NEK11: variants seen among roughly 807,000 people sequenced by gnomAD.
NEK11 encodes the protein serine/threonine-protein kinase Nek11.
A neutral mutation model predicts 80.7 loss-of-function variants in NEK11; 72 were observed. The ratio of observed to expected loss-of-function variants is 0.89; its 90% CI spans 0.74 to 1.08. The LOEUF (loss-of-function observed/expected upper bound fraction) is 1.08, where lower values mean the gene tolerates loss of function less well. Among genes scored for constraint, NEK11 ranks in the 50% least tolerant of loss-of-function variants. The probability of loss-of-function intolerance (pLI) is 0.00; values close to 1 mark genes in which losing one functional copy is unlikely to be tolerated. For synonymous variants in NEK11, 251 were observed against 260.7 expected (o/e 0.96, Z 0.36); for missense variants, 764 against 763.6 (o/e 1.00, Z -0.01).
intron 5 of NEK11, among the ~76,000 whole-genome samples, chr3:131,125,914 A>G (rs954118092): frequency 1.3e-5 from 2 of 152,232 alleles, no homozygotes; most frequent in Non-Finnish European, 2.9e-5. Context: ...AATCTCTAGC[A>G]GGCCACATAT....
At chr3:131,254,051 C>T (rs980013990) in intron 16 of NEK11, among the ~76,000 whole-genome samples, 12 of 152,080 alleles carry the variant, frequency 7.9e-5, no homozygotes, top group African/African-American at 2.7e-4. Context: ...GCATGTTCTC[C>T]GTAAGTTGTC....
At chr3:131,100,579 A>T (rs1560402186) in intron 4 of NEK11, among the ~76,000 whole-genome samples, 1 of 152,226 alleles carries the variant, frequency 6.6e-6, no homozygotes, top group Middle Eastern at 3.4e-3. Context: ...CTAAATAAAT[A>T]AATTAATTAA....
chr3:131,185,647 C>G (rs2093568990), intron 14 of NEK11, among the ~76,000 whole-genome samples: 1 of 152,166 alleles, frequency 6.6e-6, no homozygotes, highest in Non-Finnish European at 1.5e-5. Flanking sequence ...AGCAGACTTC[C>G]ACAGATGATT....
At chr3:131,078,710 A>G (rs974180338) in intron 3 of NEK11, among the ~76,000 whole-genome samples, 3 of 152,162 alleles carry the variant, frequency 2.0e-5, no homozygotes, top group Non-Finnish European at 4.4e-5. Context: ...CTTCTCTCCA[A>G]TGTGATTGAA....
At chr3:131,308,318 A>G (rs2096742688) in intron 17 of NEK11, among the ~76,000 whole-genome samples, 1 of 152,244 alleles carries the variant, frequency 6.6e-6, no homozygotes, top group Non-Finnish European at 1.5e-5. Context: ...CTTACCCATA[A>G]TAGTCAAGAA....
At chr3:131,066,284 A>C (rs1389270) in intron 3 of NEK11, among the ~76,000 whole-genome samples, 2 of 152,166 alleles carry the variant, frequency 1.3e-5, no homozygotes, top group Non-Finnish European at 2.9e-5. Context: ...TATTGCCAGC[A>C]ATTTGTGTCA....
intron 17 of NEK11, among the ~76,000 whole-genome samples, chr3:131,274,316 C>G (rs2096254440): frequency 6.8e-6 from 1 of 146,932 alleles, no homozygotes; most frequent in Non-Finnish European, 1.5e-5. Context: ...GCATAGTATT[C>G]CATGGTGTAT....
In NEK11 at chr3:131,164,513, T is replaced by A. The variant is rs150629447; in HGVS notation, c.1083-913T>A. Among the ~76,000 whole-genome samples, 263 of 152,314 alleles carry A rather than the reference T, an allele frequency of 1.7e-3. 6 individuals carry two copies. The East Asian group carries it at 0.042, about 25-fold the overall frequency. On this transcript the variant is annotated intron_variant, in intron 11 of 17. Coordinates refer to ENST00000383366, the MANE Select transcript of NEK11 (RefSeq NM_024800.5). ...TATTTCCAAGGTGCCATGATTCGTG[T>A]CATTGGCTGGGGGTAAAAGGAAAAT...
chr3:131,277,958 A>G (rs962779198), intron 17 of NEK11, among the ~76,000 whole-genome samples: 1 of 152,188 alleles, frequency 6.6e-6, no homozygotes, highest in African/African-American at 2.4e-5. Flanking sequence ...GACTCTCAAT[A>G]TATGTGTGGT....
Position 131,345,139 on chromosome 3 carries a change from T to C in NEK11, c.1719-4418T>C, listed in dbSNP as rs982997547. 4.6e-5 allele frequency among the ~76,000 whole-genome samples: 7 copies of C among 152,246 alleles called. No individual in the cohort carries two copies. The East Asian group carries it at 5.8e-4, about 13-fold the overall frequency. ...TCTTGGTTTGATTAATTTTTTTCTA[T>C]GTTTTTTATTCCCTATTTATTTTTA... On this transcript the variant is annotated intron_variant, in intron 17 of 17. Coordinates refer to ENST00000383366, the MANE Select transcript of NEK11 (RefSeq NM_024800.5).
chr3:131,057,055 T>G (rs71333691), intron 3 of NEK11, among the ~76,000 whole-genome samples: 2 of 103,870 alleles, frequency 1.9e-5, no homozygotes, highest in Admixed American at 2.6e-4. Flanking sequence ...ACCCCACAAC[T>G]GTCCCCAGAG....
intron 3 of NEK11, among the ~76,000 whole-genome samples, chr3:131,060,657 G>A (rs1299295800): frequency 6.6e-6 from 1 of 152,070 alleles, no homozygotes; most frequent in African/African-American, 2.4e-5. Flanking sequence ...CTTTTCTTGG[G>A]TAGATATCAT....
At chr3:131,177,184 G>A (rs1269862840) in intron 14 of NEK11, among the ~76,000 whole-genome samples, 1 of 152,140 alleles carries the variant, frequency 6.6e-6, no homozygotes, top group Admixed American at 6.5e-5. Context: ...TGTTATGATG[G>A]CCAAAGAAAG....
rs1203907609 is a variant in NEK11 at position 131,173,789 on chromosome 3, TTCTTA to T, written c.1399+2903_1399+2907del. 9.9e-5 allele frequency among the ~76,000 whole-genome samples: 15 copies of T among 152,282 alleles called. No homozygotes were observed. In the South Asian group the frequency reaches 1.2e-3, roughly 13 times the overall value. On this transcript the variant is annotated intron_variant, in intron 14 of 17. Coordinates refer to ENST00000383366, the MANE Select transcript of NEK11 (RefSeq NM_024800.5). ...ACTATGGAAAACCCAAGCTATGTCCTTCTTACCTCTCATTTTGTCTTTTGTCATGG... is the reference window on the plus strand; with the variant it reads ...ACTATGGAAAACCCAAGCTATGTCCTCCTCTCATTTTGTCTTTTGTCATGG...
chr3:131,078,719 A>C (rs2149006571), intron 3 of NEK11, among the ~76,000 whole-genome samples: 1 of 152,308 alleles, frequency 6.6e-6, no homozygotes, highest in East Asian at 1.9e-4. Flanking sequence ...AATGTGATTG[A>C]AGCTGGTACT....
chr3:131,212,043 C>T lies in NEK11; in HGVS notation c.1400-16485C>T, dbSNP rs140137098. Among the ~76,000 whole-genome samples the T allele has an allele frequency of 3.4e-4, 52 of 152,278 alleles. No homozygotes were observed. The East Asian group carries it at 4.6e-3, about 14-fold the overall frequency. ...ATGCGATCCTTTGGAGGAGAAGAGG[C>T]GCTCTGGTTTTTAGAATTATCAGAC... On this transcript the variant is annotated intron_variant, in intron 14 of 17. Coordinates refer to ENST00000383366, the MANE Select transcript of NEK11 (RefSeq NM_024800.5).
At position 131,217,019 on chromosome 3, in the gene NEK11, G is replaced by C. The variant is rs572945195; in HGVS notation, c.1400-11509G>C. Among the ~76,000 whole-genome samples the C allele has an allele frequency of 5.0e-4, 76 of 152,266 alleles. 1 individual carries two copies. Among genetic ancestry groups the C allele is most frequent in the Non-Finnish European group, 8.5e-4 (58 of 68,022 alleles). ...GGAACAATTGTGGGTCTCAGAGTGTGCCCTTCCCTCTCTATGACTTCTGAG... is the reference window on the plus strand; with the variant it reads ...GGAACAATTGTGGGTCTCAGAGTGTCCCCTTCCCTCTCTATGACTTCTGAG... On this transcript the variant is annotated intron_variant, in intron 14 of 17. Transcript: ENST00000383366.
chr3:131,053,043 T>C (rs1413276510), intron 3 of NEK11, among the ~76,000 whole-genome samples: 3 of 152,164 alleles, frequency 2.0e-5, no homozygotes. Context: ...TTAGCATTAA[T>C]GTACCAAGGA....
chr3:131,185,907 A>G (rs530453934), intron 14 of NEK11, among the ~76,000 whole-genome samples: 2 of 152,282 alleles, frequency 1.3e-5, no homozygotes, highest in South Asian at 4.2e-4. Flanking sequence ...TATGGCATTT[A>G]CCAACTATGT....
Sources: gnomAD v4.1 joint callset for allele counts (sites outside exome capture counted in the v4.1 genomes callset) on GRCh38, gnomAD v4.1.1 for gene constraint, MANE v1.5 for transcripts, NCBI Gene and HGNC (gene_info 2026-07-23, HGNC 2026-07-21) for gene names.